ERCC5: variants seen among roughly 807,000 people sequenced by gnomAD.
ERCC5 encodes the protein DNA excision repair protein ERCC-5.
ERCC5 carries 68 observed loss-of-function variants against 105.6 expected under a neutral mutation model. The observed-to-expected ratio is 0.64, with a 90% CI of 0.53 to 0.79. The LOEUF (loss-of-function observed/expected upper bound fraction) is 0.79, where lower values mean the gene tolerates loss of function less well. Among genes scored for constraint, ERCC5 ranks in the 30% least tolerant of loss-of-function variants. The probability of loss-of-function intolerance (pLI) is 0.00; values close to 1 mark genes in which losing one functional copy is unlikely to be tolerated. For synonymous variants in ERCC5, 546 were observed against 526.2 expected, an observed-to-expected ratio of 1.04 and a Z score of -0.51; for missense variants, 1,373 against 1,426.7, an observed-to-expected ratio of 0.96 and a Z score of 0.61.
chr13:102,875,984 G>A lies in ERCC5; in HGVS notation c.*81G>A. 2.6e-6 allele frequency: 4 copies of A among 1,533,084 alleles called. No homozygotes were observed. In the South Asian group the frequency reaches 4.6e-5, roughly 18 times the overall value. 95.0% of individuals were successfully genotyped at this position (1,533,084 alleles called of 1,614,324 possible). On this transcript the variant is annotated 3_prime_UTR_variant, in exon 15 of 15. Coordinates refer to ENST00000652225, the MANE Select transcript of ERCC5 (RefSeq NM_000123.4). ...TCGCAAAGACGTAATAAAATTAACT[G>A]GTGGCACGGTCTTTGTATTTAGTGT...
At chr13:102,852,003 G>C in intron 1 of ERCC5, 115 bp from the exon 2 acceptor site, 1 of 1,214,364 alleles carries the variant, frequency 8.2e-7, no homozygotes, top group South Asian at 1.3e-5. Flanking sequence ...AATTTTAAAT[G>C]AATAGTGATA....
chr13:102,857,450 C>G (rs753935283), intron 5 of ERCC5, among the ~76,000 whole-genome samples: 4 of 152,046 alleles, frequency 2.6e-5, no homozygotes, highest in Non-Finnish European at 4.4e-5. Flanking sequence ...AAATGCTGAG[C>G]GCAGTGACAG....
At position 102,875,340 on chromosome 13, in the gene ERCC5, G is replaced by A; in HGVS notation, c.2998G>A (p.Ala1000Thr). The A allele has an allele frequency of 6.2e-7, 1 of 1,613,882 alleles. No individual in the cohort carries two copies. The highest frequency in any genetic ancestry group is 8.5e-7 in the Non-Finnish European group (1 of 1,179,986). ...QLRIDSFFRL[A>T]QQEKEDAKRI... ...CCGAATTGATTCCTTCTTTAGATTA[G>A]CACAACAGGAGAAAGAAGATGCTAA... Residue 1000 changes from alanine (A) to threonine (T), a missense_variant, in exon 15 of 15, where the codon GCA (alanine) becomes ACA (threonine). Around this residue, in one of 3 missense-constraint regions of ERCC5, gnomAD observed 367 missense variants for 350.2 expected, o/e 1.05. Transcript: ENST00000652225.
chr13:102,875,484 C>G lies in ERCC5; in HGVS notation c.3142C>G (p.Leu1048Val). The change falls in exon 15 of 15, where the codon CTT (leucine) becomes GTT (valine). Residue 1048 changes from leucine (L) to valine (V), a missense_variant. Leu to Val is a conservative substitution (Grantham distance 32, BLOSUM62 1). Transcript: ENST00000652225. ...TGCCATGGAGAAAGAATTTGAGCTACTTGATAAGGCAAAAGGAAAAACCCA... is the reference window on the plus strand; with the variant it reads ...TGCCATGGAGAAAGAATTTGAGCTAGTTGATAAGGCAAAAGGAAAAACCCA... ...SVAMEKEFEL[L>V]DKAKGKTQKR... 6.2e-7 allele frequency: 1 copy of G among 1,614,116 alleles called. No homozygotes were observed. Among genetic ancestry groups the G allele is most frequent in the Non-Finnish European group, 8.5e-7 (1 of 1,179,996 alleles).
Position 102,875,472 on chromosome 13 carries a change from G to A in ERCC5, c.3130G>A (p.Glu1044Lys). 4 of 1,614,144 alleles carry A rather than the reference G, an allele frequency of 2.5e-6. No homozygotes were observed. The highest frequency in any genetic ancestry group is 3.4e-6 in the Non-Finnish European group (4 of 1,180,010). The change falls in exon 15 of 15, where the codon GAA becomes AAA. Residue 1044 changes from glutamate to lysine, a missense_variant. Physicochemically the swap from Glu to Lys is moderately conservative, Grantham distance 56. Around this residue, in one of 3 missense-constraint regions of ERCC5, gnomAD observed 367 missense variants for 350.2 expected, o/e 1.05. Transcript: ENST00000652225. The part of the protein sequence containing the change: ...IEAVSVAMEK[E>K]FELLDKAKGK... ...AGCAGTTTCTGTTGCCATGGAGAAA[G>A]AATTTGAGCTACTTGATAAGGCAAA...
At chr13:102,846,702 A>T (rs1288324156) in intron 1 of ERCC5, among the ~76,000 whole-genome samples, 3 of 152,180 alleles carry the variant, frequency 2.0e-5, no homozygotes, top group East Asian at 3.8e-4. Flanking sequence ...AATAGTTGTT[A>T]TACTGTATTT....
chr13:102,851,973 A>G (rs538176151), intron 1 of ERCC5, 145 bp from the exon 2 acceptor site: 1 of 921,738 alleles, frequency 1.1e-6, no homozygotes. Flanking sequence ...GGTAGATCCC[A>G]TGAGAGCTAA....
In ERCC5 at chr13:102,872,328, C is replaced by T. The variant is rs776279093; in HGVS notation, c.2809C>T (p.Leu937Phe). 1.2e-6 allele frequency: 2 copies of T among 1,614,168 alleles called. No individual in the cohort carries two copies. The highest frequency in any genetic ancestry group is 1.7e-6 in the Non-Finnish European group (2 of 1,180,026). ...FPNPAVAEAY[L>F]KPVVDDSKGS... Reference sequence around the variant, plus strand: ...TAACCCAGCTGTTGCCGAGGCCTACCTCAAACCCGTGGTGGATGACTCGAA... The same window carrying T: ...TAACCCAGCTGTTGCCGAGGCCTACTTCAAACCCGTGGTGGATGACTCGAA... The change falls in exon 13 of 15, where the codon CTC (leucine) becomes TTC (phenylalanine). Residue 937 changes from leucine to phenylalanine, a missense_variant. Physicochemically the swap from Leu to Phe is conservative, Grantham distance 22. Transcript: ENST00000652225.
intron 6 of ERCC5, among the ~76,000 whole-genome samples, chr13:102,861,290 T>G (rs1219937174): frequency 6.6e-6 from 1 of 152,066 alleles, no homozygotes; most frequent in Non-Finnish European, 1.5e-5. Flanking sequence ...CACCTGGCCA[T>G]AGTATTCATG....
At chr13:102,846,463 G>A in intron 1 of ERCC5, 109 bp downstream of exon 1, 2 of 921,546 alleles carry the variant, frequency 2.2e-6, no homozygotes, top group Non-Finnish European at 3.5e-6. Context: ...GTCTTGGGTC[G>A]GGGTCGGGGT....
intron 5 of ERCC5, among the ~76,000 whole-genome samples, 190 bp downstream of exon 5, chr13:102,856,302 T>A (rs1343689760): frequency 6.6e-6 from 1 of 151,904 alleles, no homozygotes; most frequent in Admixed American, 6.6e-5. Context: ...CACGTGTATA[T>A]ATATATATAT....
At position 102,852,265 on chromosome 13, in the gene ERCC5, A is replaced by C. The variant is rs752741301; in HGVS notation, c.236A>C (p.Asp79Ala). The change falls in exon 2 of 15, where the codon GAT becomes GCT. Residue 79 changes from aspartate (D) to alanine (A), a missense_variant. Transcript: ENST00000652225. ...CGTCCTATTTTTGTGTTTGATGGGG[A>C]TGCTCCACTATTGAAGAAACAGACT... ...RIRPIFVFDG[D>A]APLLKKQTLV... The C allele has an allele frequency of 6.2e-7, 1 of 1,613,946 alleles. No individual in the cohort carries two copies. Among genetic ancestry groups the C allele is most frequent in the Non-Finnish European group, 8.5e-7 (1 of 1,180,006 alleles).
intron 1 of ERCC5, among the ~76,000 whole-genome samples, chr13:102,847,702 A>G (rs1009415146): frequency 1.3e-5 from 2 of 152,164 alleles, no homozygotes; most frequent in African/African-American, 4.8e-5. Flanking sequence ...TTTGTTTTTT[A>G]GAGCACATGC....
chr13:102,867,998 T>G, intron 11 of ERCC5, 115 bp from the exon 12 acceptor site: 1 of 946,686 alleles, frequency 1.1e-6, no homozygotes, highest in South Asian at 1.7e-5. Flanking sequence ...TAAGATATTT[T>G]TGGTGGTTGG....
chr13:102,860,709 A>C (rs1053343822), intron 6 of ERCC5, among the ~76,000 whole-genome samples: 19 of 152,316 alleles, frequency 1.2e-4, no homozygotes, highest in Non-Finnish European at 2.8e-4. Flanking sequence ...TCATAGGATG[A>C]TTGTGAGAAT....
At chr13:102,855,912 C>A in intron 4 of ERCC5, 140 bp from the exon 5 acceptor site, 1 of 805,034 alleles carries the variant, frequency 1.2e-6, no homozygotes. Context: ...CCCCACCAGA[C>A]CATGAGACCA....
intron 12 of ERCC5, 32 bp from the exon 13 acceptor site, chr13:102,872,166 C>T (rs1184970349): frequency 1.2e-6 from 2 of 1,607,120 alleles, no homozygotes; most frequent in African/African-American, 1.3e-5. Context: ...TGTCTCATTG[C>T]TGTGTAAGTA....
At chr13:102,863,625 C>T (rs1046615071) in intron 8 of ERCC5, among the ~76,000 whole-genome samples, 6 of 152,090 alleles carry the variant, frequency 3.9e-5, no homozygotes, top group African/African-American at 1.4e-4. Context: ...ATTTATAACT[C>T]CAAAATCAGT....
At chr13:102,860,394 G>T (rs186597162) in intron 6 of ERCC5, among the ~76,000 whole-genome samples, 2 of 152,290 alleles carry the variant, frequency 1.3e-5, no homozygotes, top group African/African-American at 2.4e-5. Flanking sequence ...TGACCTCAGC[G>T]TGTGATAAGT....
Sources: gnomAD v4.1 joint callset for allele counts (sites outside exome capture counted in the v4.1 genomes callset) on GRCh38, gnomAD v4.1.1 for gene constraint, gnomAD v4.1.1 regional missense constraint, MANE v1.5 for transcripts, NCBI Gene and HGNC (gene_info 2026-07-23, HGNC 2026-07-21) for gene names.